The following DPP10 variants were observed in gnomAD, a reference collection of about 807,000 sequenced individuals.
DPP10 encodes the protein inactive dipeptidyl peptidase 10.
Under a neutral mutation model 120.9 loss-of-function variants are expected in DPP10, and 33 were observed. The observed-to-expected ratio is 0.27, with a 90% confidence interval of 0.21 to 0.37. The LOEUF (loss-of-function observed/expected upper bound fraction) is 0.37, where lower values mean the gene tolerates loss of function less well. Ranked by LOEUF, DPP10 falls within the 10% of genes least tolerant of loss-of-function variation. DPP10 has a pLI of 1.00. For missense variants in DPP10, 816 were observed against 942.8 expected (o/e 0.87, Z 1.76); for synonymous variants, 337 against 326.1 (o/e 1.03, Z -0.36).
chr2:115,319,849 C>A (rs2061974099), intron 2 of DPP10, among the ~76,000 whole-genome samples: 1 of 152,140 alleles, frequency 6.6e-6, no homozygotes, highest in Non-Finnish European at 1.5e-5. Context: ...AGGAACACTG[C>A]ATTCTCACAT....
chr2:114,769,109 G>A (rs865923963), intron 1 of DPP10, among the ~76,000 whole-genome samples: 5 of 152,206 alleles, frequency 3.3e-5, no homozygotes, highest in African/African-American at 4.8e-5. Context: ...TCTAGAGGAC[G>A]GAATTAAGAA....
At chr2:115,463,055 T>C (rs2074089753) in intron 3 of DPP10, among the ~76,000 whole-genome samples, 1 of 152,136 alleles carries the variant, frequency 6.6e-6, no homozygotes, top group South Asian at 2.1e-4. Context: ...ATTTATTTTC[T>C]CTATCTGGAA....
intron 1 of DPP10, among the ~76,000 whole-genome samples, chr2:114,606,882 G>A (rs1692855405): frequency 6.6e-6 from 1 of 152,160 alleles, no homozygotes; most frequent in African/African-American, 2.4e-5. Flanking sequence ...GCATATTGTT[G>A]AAAAGATGGG....
chr2:114,616,568 C>A (rs1693691730), intron 1 of DPP10, among the ~76,000 whole-genome samples: 1 of 152,108 alleles, frequency 6.6e-6, no homozygotes, highest in African/African-American at 2.4e-5. Context: ...AGGAGAACAA[C>A]ATAAATGCTG....
intron 5 of DPP10, among the ~76,000 whole-genome samples, chr2:115,541,371 A>G (rs1364807389): frequency 1.3e-5 from 2 of 151,810 alleles, no homozygotes; most frequent in African/African-American, 4.8e-5. Context: ...TCACTGTATC[A>G]AGTGATATTA....
intron 1 of DPP10, among the ~76,000 whole-genome samples, chr2:114,918,235 A>G (rs1006086851): frequency 6.6e-6 from 1 of 152,202 alleles, no homozygotes; most frequent in Non-Finnish European, 1.5e-5. Flanking sequence ...TGCAAATCAA[A>G]ACAGCACAAT....
At chr2:114,580,235 T>C (rs78195406) in intron 1 of DPP10, among the ~76,000 whole-genome samples, 2,275 of 152,310 alleles carry the variant, frequency 0.015, 65 homozygotes, top group African/African-American at 0.052. Flanking sequence ...CATTCGGTCC[T>C]GATAGGGCTT....
At chr2:114,647,582 G>A (rs1381100792) in intron 1 of DPP10, among the ~76,000 whole-genome samples, 1 of 151,834 alleles carries the variant, frequency 6.6e-6, no homozygotes, top group Non-Finnish European at 1.5e-5. Context: ...GAAAACAGAA[G>A]TACATTTGGG....
intron 1 of DPP10, among the ~76,000 whole-genome samples, chr2:115,041,208 T>C (rs1704619856): frequency 6.6e-6 from 1 of 152,112 alleles, no homozygotes; most frequent in Admixed American, 6.6e-5. Flanking sequence ...CAAATCTCTT[T>C]TCTTTATAAA....
At chr2:115,112,453 T>C (rs2049274608) in intron 1 of DPP10, among the ~76,000 whole-genome samples, 1 of 152,232 alleles carries the variant, frequency 6.6e-6, no homozygotes, top group African/African-American at 2.4e-5. Flanking sequence ...TATATATTTA[T>C]CATGTACAAC....
chr2:115,027,909 A>T (rs895490420), intron 1 of DPP10, among the ~76,000 whole-genome samples: 1 of 152,110 alleles, frequency 6.6e-6, no homozygotes, highest in East Asian at 1.9e-4. Context: ...ATAGTTGTTC[A>T]TATGTCTCTA....
intron 1 of DPP10, among the ~76,000 whole-genome samples, chr2:114,909,535 CT>C (rs1204264614): frequency 1.3e-5 from 2 of 152,050 alleles, no homozygotes; most frequent in East Asian, 3.9e-4. Context: ...TTGATAGAAT[CT>C]TGGGAAAAAT....
At chr2:114,525,088 G>A (rs1213915884) in intron 1 of DPP10, among the ~76,000 whole-genome samples, 2 of 152,166 alleles carry the variant, frequency 1.3e-5, no homozygotes, top group Admixed American at 6.5e-5. Context: ...TACCCTTTGA[G>A]TTCTCCTTAG....
At chr2:115,006,041 G>C (rs1701818988) in intron 1 of DPP10, among the ~76,000 whole-genome samples, 1 of 152,188 alleles carries the variant, frequency 6.6e-6, no homozygotes, top group Admixed American at 6.5e-5. Flanking sequence ...CTACAAGCCA[G>C]AAGAGAGTGG....
chr2:114,504,539 A>ACCCC (rs1683468948), intron 1 of DPP10, among the ~76,000 whole-genome samples: 1 of 151,042 alleles, frequency 6.6e-6, no homozygotes, highest in Non-Finnish European at 1.5e-5. Context: ...TACCCACCCC[A>ACCCC]CCCTCTTCTT....
chr2:115,128,838 T>G (rs185007860), intron 1 of DPP10, among the ~76,000 whole-genome samples: 136 of 152,352 alleles, frequency 8.9e-4, no homozygotes, highest in African/African-American at 3.1e-3. Flanking sequence ...TTCTAGTCAC[T>G]GAACTTGTTC....
intron 1 of DPP10, among the ~76,000 whole-genome samples, chr2:115,062,500 C>A (rs1254763119): frequency 3.3e-5 from 5 of 152,180 alleles, no homozygotes; most frequent in African/African-American, 1.2e-4. Flanking sequence ...GCCCAGCATG[C>A]ATTAACTATT....
chr2:115,220,564 A>T (rs1027542068), intron 1 of DPP10, among the ~76,000 whole-genome samples: 2 of 152,110 alleles, frequency 1.3e-5, no homozygotes, highest in African/African-American at 4.8e-5. Flanking sequence ...ATAAAAATTT[A>T]AAAAAGGAAA....
At chr2:115,270,445 C>T (rs1239214752) in intron 1 of DPP10, among the ~76,000 whole-genome samples, 1 of 151,942 alleles carries the variant, frequency 6.6e-6, no homozygotes. Flanking sequence ...ATGGGGGTTA[C>T]CCGTTAGGCT....
Sources: allele counts gnomAD v4.1 joint callset (sites outside exome capture counted in the v4.1 genomes callset), GRCh38; gene constraint gnomAD v4.1.1; transcripts MANE v1.5; gene names NCBI Gene and HGNC (gene_info 2026-07-23, HGNC 2026-07-21).